POLK: variants seen among roughly 807,000 people sequenced by gnomAD.
POLK encodes the protein polymerase (DNA directed) kappa.
POLK carries 76 observed loss-of-function variants against 94.0 expected under a neutral mutation model. The observed-to-expected ratio is 0.81, with a 90% CI of 0.67 to 0.98. POLK has a LOEUF of 0.98. Ranked by LOEUF, POLK falls within the 50% of genes least tolerant of loss-of-function variation. The pLI is 0.00. For missense variants in POLK, 954 were observed against 1,010.1 expected (o/e 0.94, Z 0.75); for synonymous variants, 349 against 325.4 (o/e 1.07, Z -0.78).
At chr5:75,605,907 GAC>G (rs375276984), downstream of POLK, among the ~76,000 whole-genome samples, 133 of 150,620 alleles carry the variant, frequency 8.8e-4, 2 homozygotes, top group East Asian at 0.024. Flanking sequence ...AAAAGAAAAA[GAC>G]ACAGAGACAA....
At chr5:75,608,145 TG>T in the POLK span, among the ~76,000 whole-genome samples, 4 of 152,178 alleles carry the variant, frequency 2.6e-5, no homozygotes, top group African/African-American at 9.7e-5. Context: ...AAATACTTAT[TG>T]CAGGTCGGGT....
At chr5:75,550,921 C>T (rs979204695) in intron 2 of POLK, among the ~76,000 whole-genome samples, 6 of 151,784 alleles carry the variant, frequency 4.0e-5, no homozygotes, top group Admixed American at 2.6e-4. Flanking sequence ...TGCAGTCAGG[C>T]AATAAAAATA....
chr5:75,518,074 G>A (rs1252632038), intron 1 of POLK, among the ~76,000 whole-genome samples: 1 of 152,070 alleles, frequency 6.6e-6, no homozygotes, highest in Non-Finnish European at 1.5e-5. Flanking sequence ...AGTAATATTG[G>A]CCTGTAGTTT....
intron 9 of POLK, among the ~76,000 whole-genome samples, chr5:75,585,460 A>G (rs1206306441): frequency 6.6e-6 from 1 of 152,222 alleles, no homozygotes; most frequent in East Asian, 1.9e-4. Context: ...GATAGAAAAT[A>G]ACCAAATAAA....
intron 1 of POLK, among the ~76,000 whole-genome samples, chr5:75,515,908 T>A (rs183351133): frequency 0.017 from 2,603 of 152,158 alleles, 55 homozygotes; most frequent in African/African-American, 0.052. Context: ...ATAAAAAAAA[T>A]TTTTTTTAAG....
chr5:75,606,485 G>A, the POLK span, among the ~76,000 whole-genome samples: 150 of 85,230 alleles, frequency 1.8e-3, no homozygotes, highest in East Asian at 0.024. Context: ...GCTTTCCTAG[G>A]CAGAGGTCCC....
chr5:75,511,617 T>A (rs1369336301), upstream of POLK: 1 of 1,474,986 alleles, frequency 6.8e-7, no homozygotes, highest in African/African-American at 1.4e-5. Flanking sequence ...TCTTCCTGCC[T>A]GGCCCACTAT....
chr5:75,573,010 T>C (rs1166786456), intron 4 of POLK, among the ~76,000 whole-genome samples: 2 of 152,196 alleles, frequency 1.3e-5, no homozygotes, highest in African/African-American at 4.8e-5. Context: ...ATCCCATTAC[T>C]GGGTATATAC....
At chr5:75,564,624 G>T (rs1421147327) in intron 3 of POLK, among the ~76,000 whole-genome samples, 1 of 152,150 alleles carries the variant, frequency 6.6e-6, no homozygotes, top group African/African-American at 2.4e-5. Flanking sequence ...GTCTGTAAAG[G>T]ATTTTATTTC....
chr5:75,581,653 G>GA (rs1439770353), intron 7 of POLK: 29 of 499,848 alleles, frequency 5.8e-5, no homozygotes, highest in Admixed American at 5.3e-4. Context: ...GAGCCTGAAG[G>GA]AAAAAAAAGA....
exon 15 of POLK, chr5:75,599,034 A>T (rs1773220684): frequency 6.6e-6 from 1 of 151,792 alleles, no homozygotes; most frequent in South Asian, 2.1e-4. Flanking sequence ...TGAGGTCAGG[A>T]GTTTGAGACC....
the POLK span, among the ~76,000 whole-genome samples, chr5:75,606,834 G>A: frequency 6.6e-6 from 1 of 152,150 alleles, no homozygotes; most frequent in Non-Finnish European, 1.5e-5. Context: ...TGGTTGGAAG[G>A]AGGGACTGCC....
At chr5:75,546,721 G>A (rs1018709463) in intron 1 of POLK, among the ~76,000 whole-genome samples, 7 of 148,850 alleles carry the variant, frequency 4.7e-5, no homozygotes, top group Non-Finnish European at 7.4e-5. Context: ...GCTGGAGTGC[G>A]GTAGCGCAAT....
At chr5:75,526,987 C>G (rs1173761494) in intron 1 of POLK, among the ~76,000 whole-genome samples, 1 of 152,114 alleles carries the variant, frequency 6.6e-6, no homozygotes, top group Non-Finnish European at 1.5e-5. Context: ...GAGTTTATCT[C>G]TCAGTCTGAT....
At chr5:75,581,968 C>T (rs557581837) in intron 7 of POLK, 48 of 972,876 alleles carry the variant, frequency 4.9e-5, no homozygotes, top group East Asian at 4.6e-4. Flanking sequence ...CCTGAGCCAC[C>T]GCGCCCGACT....
intron 3 of POLK, 126 bp from the exon 4 acceptor site, chr5:75,569,214 T>C: frequency 1.6e-6 from 1 of 631,544 alleles, no homozygotes; most frequent in Admixed American, 3.1e-5. Context: ...AATGGATGGA[T>C]GGATGGATGA....
intron 3 of POLK, among the ~76,000 whole-genome samples, chr5:75,561,262 C>A (rs536746333): frequency 1.3e-5 from 2 of 152,198 alleles, no homozygotes; most frequent in South Asian, 4.1e-4. Context: ...CTCTAATGAC[C>A]ATTGATGATG....
intron 1 of POLK, among the ~76,000 whole-genome samples, chr5:75,541,673 A>G (rs985337394): frequency 6.6e-6 from 1 of 152,348 alleles, no homozygotes; most frequent in African/African-American, 2.4e-5. Context: ...TCTTTCTCTC[A>G]GTGACACATG....
At chr5:75,569,086 T>TA (rs1771441304) in intron 3 of POLK, among the ~76,000 whole-genome samples, 1 of 152,106 alleles carries the variant, frequency 6.6e-6, no homozygotes, top group African/African-American at 2.4e-5. Context: ...AATTTTAATT[T>TA]AAAAAACAAT....
Sources: allele counts gnomAD v4.1 joint callset (sites outside exome capture counted in the v4.1 genomes callset), GRCh38; gene constraint gnomAD v4.1.1; transcripts MANE v1.5; gene names NCBI Gene and HGNC (gene_info 2026-07-23, HGNC 2026-07-21).